ADAMTS12: variants seen among roughly 807,000 people sequenced by gnomAD.
The protein encoded by ADAMTS12 is A disintegrin and metalloproteinase with thrombospondin motifs 12.
A neutral mutation model predicts 167.8 loss-of-function variants in ADAMTS12; 118 were observed. That is an observed-to-expected ratio of 0.70 (90% CI 0.61 to 0.82). The LOEUF (loss-of-function observed/expected upper bound fraction) is 0.82, where lower values mean the gene tolerates loss of function less well. ADAMTS12 is among the 40% of genes least tolerant of loss of function. The probability of loss-of-function intolerance (pLI) is 0.00; values close to 1 mark genes in which losing one functional copy is unlikely to be tolerated. For synonymous variants in ADAMTS12, 704 were observed against 716.9 expected (o/e 0.98, Z 0.29); for missense variants, 1,916 against 1,998.8 (o/e 0.96, Z 0.79).
At chr5:33,579,719 C>G (rs1746961412) in intron 18 of ADAMTS12, among the ~76,000 whole-genome samples, 1 of 152,228 alleles carries the variant, frequency 6.6e-6, no homozygotes, top group Non-Finnish European at 1.5e-5. Context: ...GAAACAGAGA[C>G]AGCAGCACCT....
chr5:33,634,740 A>C (rs763305405), intron 12 of ADAMTS12, among the ~76,000 whole-genome samples: 8 of 152,190 alleles, frequency 5.3e-5, no homozygotes, highest in Non-Finnish European at 1.0e-4. Context: ...AAATATAAGA[A>C]GGCATTAAAA....
chr5:33,885,003 A>G (rs1004750375), intron 1 of ADAMTS12, among the ~76,000 whole-genome samples: 1 of 152,238 alleles, frequency 6.6e-6, no homozygotes, highest in Non-Finnish European at 1.5e-5. Context: ...AAGTCAAATG[A>G]GCTATAACCT....
At chr5:33,848,131 C>A (rs552780964) in intron 2 of ADAMTS12, among the ~76,000 whole-genome samples, 1 of 151,878 alleles carries the variant, frequency 6.6e-6, no homozygotes, top group East Asian at 1.9e-4. Context: ...GCAGGAGAGT[C>A]GCTTGAATCC....
At chr5:33,632,396 A>AAAACAAC (rs111992118) in intron 12 of ADAMTS12, among the ~76,000 whole-genome samples, 1 of 151,084 alleles carries the variant, frequency 6.6e-6, no homozygotes, top group Non-Finnish European at 1.5e-5. Flanking sequence ...CCTGAATCCA[A>AAAACAAC]AAACAAACAA....
chr5:33,684,873 T>C (rs1742268499), intron 3 of ADAMTS12, among the ~76,000 whole-genome samples: 1 of 152,186 alleles, frequency 6.6e-6, no homozygotes, highest in African/African-American at 2.4e-5. Context: ...ATACTGTAAG[T>C]AGGGAGCATA....
At chr5:33,811,795 G>C (rs1000724378) in intron 2 of ADAMTS12, among the ~76,000 whole-genome samples, 2 of 152,174 alleles carry the variant, frequency 1.3e-5, no homozygotes, top group Non-Finnish European at 2.9e-5. Context: ...AACCAGGTAG[G>C]AGATGATGGC....
At chr5:33,545,759 G>A (rs1744941827) in intron 22 of ADAMTS12, among the ~76,000 whole-genome samples, 1 of 149,794 alleles carries the variant, frequency 6.7e-6, no homozygotes, top group African/African-American at 2.5e-5. Context: ...ACTATCGCAA[G>A]GACAAAAAAC....
At chr5:33,831,730 T>A (rs1748308176) in intron 2 of ADAMTS12, among the ~76,000 whole-genome samples, 1 of 152,224 alleles carries the variant, frequency 6.6e-6, no homozygotes. Flanking sequence ...ACCTTCTTTT[T>A]ATTCTGGCTG....
Position 33,732,580 on chromosome 5 carries a change from C to A in ADAMTS12, c.634+18824G>T, listed in dbSNP as rs114008635. Among the ~76,000 whole-genome samples, 1,411 of 152,206 alleles carry A rather than the reference C, an allele frequency of 9.3e-3. 20 individuals are homozygous for A. Among genetic ancestry groups the A allele is most frequent in the African/African-American group, 0.033 (1,359 of 41,528 alleles). On this transcript the variant is annotated intron_variant, in intron 3 of 23. Transcript: ENST00000504830. ...TTCATATTCACAGAAATAATTAGGG[C>A]ACTCCTGATATAGCATATTTTGCAC...
intron 16 of ADAMTS12, among the ~76,000 whole-genome samples, chr5:33,611,817 A>C (rs1210223749): frequency 1.3e-5 from 2 of 152,234 alleles, no homozygotes; most frequent in Non-Finnish European, 2.9e-5. Context: ...TGATAAGTGA[A>C]AATATGTGTG....
Position 33,576,829 on chromosome 5 carries a change from T to C in ADAMTS12, c.3197A>G (p.Gln1066Arg), listed in dbSNP as rs1746757374. 6.2e-7 allele frequency: 1 copy of C among 1,614,228 alleles called. No individual in the cohort carries two copies. The highest frequency in any genetic ancestry group is 8.5e-7 in the Non-Finnish European group (1 of 1,180,030). Residue 1066 changes from glutamine (Q) to arginine (R), a missense_variant, in exon 19 of 24, where the codon CAG becomes CGG. By Grantham distance (43) the Gln-to-Arg change is conservative. Transcript: ENST00000504830. The part of the protein sequence containing the change: ...ASKEGDLGGK[Q>R]WQDSSTQPEL... ...AGGTTGGGTTGAGCTATCTTGCCACTGTTTCCCACCCAGGTCTCCTTCTTT... is the reference window on the plus strand; with the variant it reads ...AGGTTGGGTTGAGCTATCTTGCCACCGTTTCCCACCCAGGTCTCCTTCTTT...
intron 22 of ADAMTS12, among the ~76,000 whole-genome samples, chr5:33,540,157 C>T (rs1744618178): frequency 6.6e-6 from 1 of 152,256 alleles, no homozygotes; most frequent in Admixed American, 6.5e-5. Flanking sequence ...GAGATTCTCT[C>T]CTGTGCCTGG....
intron 5 of ADAMTS12, among the ~76,000 whole-genome samples, chr5:33,676,683 T>TACACACAC (rs141431526): frequency 0.025 from 3,431 of 136,318 alleles, 67 homozygotes; most frequent in Middle Eastern, 0.062. Flanking sequence ...CTGTCTATCT[T>TACACACAC]ACACACACAC....
At chr5:33,641,750 G>GGC in intron 11 of ADAMTS12, 60 bp downstream of exon 11, 1 of 1,462,906 alleles carries the variant, frequency 6.8e-7, no homozygotes, top group Non-Finnish European at 9.1e-7. Flanking sequence ...ATTCAAGACT[G>GGC]CCCCCCATCC....
At chr5:33,827,594 C>G (rs1203135839) in intron 2 of ADAMTS12, among the ~76,000 whole-genome samples, 1 of 151,966 alleles carries the variant, frequency 6.6e-6, no homozygotes, top group Non-Finnish European at 1.5e-5. Context: ...TTTCCTTTAT[C>G]CCCACTTCCC....
intron 19 of ADAMTS12, among the ~76,000 whole-genome samples, chr5:33,570,153 C>A (rs1055524864): frequency 6.6e-6 from 1 of 152,180 alleles, no homozygotes; most frequent in Non-Finnish European, 1.5e-5. Context: ...GAGAATGGAA[C>A]CAAGTTGGAA....
chr5:33,785,077 G>A (rs1205144951), intron 2 of ADAMTS12, among the ~76,000 whole-genome samples: 1 of 152,008 alleles, frequency 6.6e-6, no homozygotes, highest in Non-Finnish European at 1.5e-5. Flanking sequence ...GGAAGGGCAG[G>A]AAAAGTGGGA....
At chr5:33,537,999 C>T (rs939824887) in intron 22 of ADAMTS12, among the ~76,000 whole-genome samples, 1 of 152,152 alleles carries the variant, frequency 6.6e-6, no homozygotes, top group Non-Finnish European at 1.5e-5. Context: ...TCTCCCAGCT[C>T]GTGGCCCTAG....
chr5:33,528,103 A>G (rs976658171), intron 23 of ADAMTS12, among the ~76,000 whole-genome samples: 1 of 152,122 alleles, frequency 6.6e-6, no homozygotes, highest in Non-Finnish European at 1.5e-5. Context: ...AAAAAAAGGA[A>G]TGAAATAATG....
Sources: gnomAD v4.1 joint callset for allele counts (sites outside exome capture counted in the v4.1 genomes callset) on GRCh38, gnomAD v4.1.1 for gene constraint, MANE v1.5 for transcripts, NCBI Gene and HGNC (gene_info 2026-07-23, HGNC 2026-07-21) for gene names.